TNN: variants seen among roughly 807,000 people sequenced by gnomAD.
TNN encodes tenascin-N.
In TNN, 122 loss-of-function variants were observed where a neutral mutation model predicts 134.4. The observed-to-expected ratio is 0.91, with a 90% CI of 0.78 to 1.06. The LOEUF (loss-of-function observed/expected upper bound fraction) is 1.06, where lower values mean the gene tolerates loss of function less well. TNN is among the 50% of genes least tolerant of loss of function. The pLI is 0.00. For synonymous variants in TNN, 710 were observed against 670.3 expected, an observed-to-expected ratio of 1.06 and a Z score of -0.91; for missense variants, 1,739 against 1,699.4, an observed-to-expected ratio of 1.02 and a Z score of -0.41.
intron 10 of TNN, among the ~76,000 whole-genome samples, chr1:175,117,518 AT>A (rs1485171352): frequency 6.6e-6 from 1 of 152,210 alleles, no homozygotes; most frequent in East Asian, 1.9e-4. Flanking sequence ...GGAACAGAAA[AT>A]GAAAATCAAA....
rs1674134390 is a variant in TNN, at chr1:175,079,382, C to T, written c.459C>T (p.Cys153=). 5.6e-6 allele frequency: 9 copies of T among 1,598,650 alleles called. No individual in the cohort carries two copies. Among genetic ancestry groups the T allele is most frequent in the East Asian group, 2.2e-5 (1 of 44,550 alleles). ...SGHGTFSLET[C]SCHCEEGREG... is the part of the protein sequence containing the mutation. ...ACGGGACCTTCTCCCTGGAGACCTG[C>T]AGCTGCCACTGCGAAGAGGGCAGGG... Residue 153 remains cysteine, a synonymous_variant, in exon 3 of 19, where the codon TGC becomes TGT. Transcript: ENST00000239462.
chr1:175,119,590 C>G (rs1283102847), intron 11 of TNN, among the ~76,000 whole-genome samples: 2 of 149,756 alleles, frequency 1.3e-5, no homozygotes, highest in African/African-American at 4.9e-5. Flanking sequence ...TCTGACAAAA[C>G]TATAGTAATG....
At chr1:175,088,067 T>G (rs941774693) in intron 6 of TNN, among the ~76,000 whole-genome samples, 3 of 152,200 alleles carry the variant, frequency 2.0e-5, no homozygotes, top group Non-Finnish European at 4.4e-5. Context: ...CAGGAAGCAC[T>G]CTGAACCCAG....
intron 17 of TNN, among the ~76,000 whole-genome samples, chr1:175,143,518 G>GGTGT (rs149081442): frequency 0.019 from 2,752 of 148,708 alleles, 73 homozygotes; most frequent in African/African-American, 0.056. Flanking sequence ...TTTGTGTGTA[G>GGTGT]GTGTGTGTGT....
rs745693902 is a variant in TNN, at chr1:175,146,924, T to C, written c.3760-7T>C. On this transcript the variant is annotated splice_region_variant and splice_polypyrimidine_tract_variant and intron_variant, in intron 18 of 18. Coordinates refer to ENST00000239462, the MANE Select transcript of TNN (RefSeq NM_022093.2). ...TCTTGATGTGGCTTTTTTTTTTTTT[T>C]TGGTAGGGGGTGAACTGGGAGCCTT... is the stretch of plus-strand genomic sequence containing the variant. 4.7e-6 allele frequency: 7 copies of C among 1,500,234 alleles called. No individual in the cohort carries two copies. The South Asian group carries it at 8.2e-5, about 18-fold the overall frequency. The allele number at this position is 1,500,234 out of a possible 1,614,324, so 92.9% of individuals were successfully genotyped here.
chr1:175,067,837 C>T lies in TNN; in HGVS notation c.-134C>T, dbSNP rs772380885. ...CCCAGGAAGGGAAGCCAAGGAGAGA[C>T]GAGAACCAGGGACGACCAGCAAGTA... On this transcript the variant is annotated 5_prime_UTR_variant, in exon 1 of 19. It adds an upstream start codon to the 5' untranslated region. Coordinates refer to ENST00000239462, the MANE Select transcript of TNN (RefSeq NM_022093.2). 3.7e-5 allele frequency: 18 copies of T among 490,536 alleles called. No individual in the cohort carries two copies. Among genetic ancestry groups the T allele is most frequent in the East Asian group, 1.2e-4 (2 of 16,854 alleles). The allele number at this position is 490,536 out of a possible 1,614,324, so 30.4% of individuals were successfully genotyped here.
At chr1:175,137,403 C>A (rs980274470) in intron 17 of TNN, among the ~76,000 whole-genome samples, 1 of 64,122 alleles carries the variant, frequency 1.6e-5, no homozygotes. Flanking sequence ...ATTATTTGAG[C>A]TTTTGGTGGC....
chr1:175,114,788 A>G (rs1340250327), intron 9 of TNN, among the ~76,000 whole-genome samples: 19 of 152,056 alleles, frequency 1.2e-4, no homozygotes. Context: ...TATGGCTGTA[A>G]TTGCTGTAAT....
At chr1:175,145,552 C>CAAAAAAAAA (rs3028580) in intron 18 of TNN, among the ~76,000 whole-genome samples, 1,818 of 28,874 alleles carry the variant, frequency 0.063, 434 homozygotes, top group East Asian at 0.14. Flanking sequence ...GACCCTGTCT[C>CAAAAAAAAA]AAAAAAAAAA....
intron 15 of TNN, among the ~76,000 whole-genome samples, chr1:175,131,727 C>G (rs374870865): frequency 1.7e-4 from 26 of 152,152 alleles, no homozygotes; most frequent in African/African-American, 6.0e-4. Flanking sequence ...ATGATCTTGC[C>G]GAAGCCTTGA....
At chr1:175,106,649 G>A (rs893911512) in intron 9 of TNN, among the ~76,000 whole-genome samples, 1 of 146,446 alleles carries the variant, frequency 6.8e-6, no homozygotes, top group African/African-American at 2.5e-5. Context: ...AGAGGGCAAG[G>A]GTCAGGATAG....
chr1:175,137,131 C>A (rs778836585), intron 17 of TNN, 143 bp downstream of exon 17: 42 of 872,884 alleles, frequency 4.8e-5, no homozygotes, highest in Non-Finnish European at 6.9e-5. Context: ...GTCCTACTCT[C>A]TGCAGGGGGT....
intron 9 of TNN, among the ~76,000 whole-genome samples, chr1:175,107,963 A>G (rs1291205781): frequency 8.6e-6 from 1 of 116,926 alleles, no homozygotes; most frequent in East Asian, 2.3e-4. Flanking sequence ...AGGTTCACCA[A>G]GGCCCCGCCA....
At chr1:175,143,813 C>T (rs185232199) in intron 17 of TNN, among the ~76,000 whole-genome samples, 97 of 152,244 alleles carry the variant, frequency 6.4e-4, no homozygotes, top group Non-Finnish European at 1.2e-3. Flanking sequence ...TGAAAATGGA[C>T]GTCTAAACTC....
At chr1:175,082,265 T>G (rs1674214585) in intron 4 of TNN, among the ~76,000 whole-genome samples, 1 of 152,236 alleles carries the variant, frequency 6.6e-6, no homozygotes, top group South Asian at 2.1e-4. Flanking sequence ...CTCATCCATC[T>G]TGCTCTCGGG....
At chr1:175,137,071 G>T (rs1675831286) in intron 17 of TNN, 83 bp downstream of exon 17, 1 of 1,403,922 alleles carries the variant, frequency 7.1e-7, no homozygotes, top group East Asian at 2.3e-5. Context: ...ACTGATCTGG[G>T]GGATGGAATA....
intron 1 of TNN, among the ~76,000 whole-genome samples, chr1:175,076,952 C>T (rs1387815934): frequency 1.3e-5 from 2 of 152,148 alleles, no homozygotes; most frequent in African/African-American, 4.8e-5. Flanking sequence ...ACACTTAGAA[C>T]ATTTAGAATA....
In TNN at chr1:175,097,624, A is replaced by G. The variant is rs1674603056; in HGVS notation, c.1796A>G (p.His599Arg). 1.2e-6 allele frequency: 2 copies of G among 1,614,228 alleles called. No individual in the cohort carries two copies. Residue 599 changes from histidine (H) to arginine (R), a missense_variant, in exon 8 of 19, where the codon CAT becomes CGT. By Grantham distance (29) the His-to-Arg change is conservative. Transcript: ENST00000239462. ...GLRPGVEYTV[H>R]VWAQKGDRES... ...AGGCCAGGTGTGGAGTACACAGTGCATGTCTGGGCCCAGAAGGGGGACCGA... is the reference window on the plus strand; with the variant it reads ...AGGCCAGGTGTGGAGTACACAGTGCGTGTCTGGGCCCAGAAGGGGGACCGA...
At chr1:175,073,670 C>A (rs1673970939) in intron 1 of TNN, among the ~76,000 whole-genome samples, 2 of 152,186 alleles carry the variant, frequency 1.3e-5, no homozygotes, top group African/African-American at 4.8e-5. Flanking sequence ...CTGGCTTCAC[C>A]AGTTTGCTGC....
Sources: allele counts gnomAD v4.1 joint callset (sites outside exome capture counted in the v4.1 genomes callset), GRCh38; gene constraint gnomAD v4.1.1; transcripts MANE v1.5; gene names NCBI Gene and HGNC (gene_info 2026-07-23, HGNC 2026-07-21).